The following ANK3 variants were observed in gnomAD, a reference collection of about 807,000 sequenced individuals.
ANK3 encodes the protein ankyrin 3.
ANK3 carries 57 observed loss-of-function variants against 370.9 expected under a neutral mutation model. That is an observed-to-expected ratio of 0.15 (90% CI 0.12 to 0.19). The LOEUF is 0.19. Among genes scored for constraint, ANK3 ranks in the 10% least tolerant of loss-of-function variants. The pLI, the probability that ANK3 is intolerant of heterozygous loss-of-function variation, is 1.00. For synonymous variants in ANK3, 1,929 were observed against 1,946.3 expected (o/e 0.99, Z 0.23); for missense variants, 4,439 against 5,302.1 (o/e 0.84, Z 5.06).
In ANK3 at chr10:60,340,703, T is replaced by C. The variant is rs181103437; in HGVS notation, c.114+48722A>G. On this transcript the variant is annotated intron_variant, in intron 1 of 43. Transcript: ENST00000280772. ...TTGGAATTACATGCATGAGCCACTG[T>C]GCCTGGCCAGAGATACTATTATTAC... Among the ~76,000 whole-genome samples the C allele has an allele frequency of 2.6e-5, 4 of 152,254 alleles. No individual in the cohort carries two copies. The East Asian group carries it at 7.7e-4, about 29-fold the overall frequency.
chr10:60,320,925 A>G (rs1025413764), intron 1 of ANK3, among the ~76,000 whole-genome samples: 2 of 152,164 alleles, frequency 1.3e-5, no homozygotes, highest in Non-Finnish European at 2.9e-5. Context: ...AAATCCTCCC[A>G]GCAAGCTCTG....
chr10:60,352,055 A>G (rs2056966916), intron 1 of ANK3, among the ~76,000 whole-genome samples: 1 of 152,214 alleles, frequency 6.6e-6, no homozygotes, highest in Non-Finnish European at 1.5e-5. Flanking sequence ...CCAGCTCTTC[A>G]GGAGGCTGAC....
chr10:60,085,056 TCACAACAATTTTTTTTAGTATTGAA>T lies in ANK3; in HGVS notation c.3845+76_3845+100del. ...AAGCAAATACTACGGATTTTTTTTC[TCACAACAATTTTTTTTAGTATTGAA>T]CACAACAATTTTTACTTTCCAAAAG... is the stretch of plus-strand genomic sequence containing the variant. On this transcript the variant is annotated intron_variant, in intron 31 of 43. Transcript: ENST00000280772. The T allele has an allele frequency of 4.0e-6, 4 of 996,376 alleles. No individual in the cohort carries two copies. The African/African-American group carries it at 5.0e-5, about 12-fold the overall frequency. The allele number at this position is 996,376 out of a possible 1,614,324, so 61.7% of individuals were successfully genotyped here.
At chr10:60,342,086 A>G (rs2054409234) in intron 1 of ANK3, among the ~76,000 whole-genome samples, 1 of 151,840 alleles carries the variant, frequency 6.6e-6, no homozygotes, top group South Asian at 2.1e-4. Flanking sequence ...TTAAGCATCT[A>G]CTCTGTGTTC....
At chr10:60,567,202 C>A (rs2077484422) in intron 2 of ANK3, among the ~76,000 whole-genome samples, 1 of 152,182 alleles carries the variant, frequency 6.6e-6, no homozygotes, top group African/African-American at 2.4e-5. Flanking sequence ...CTACCTAGGA[C>A]TGTCACAACT....
chr10:60,539,899 T>C (rs553121814), intron 2 of ANK3, among the ~76,000 whole-genome samples: 1 of 152,018 alleles, frequency 6.6e-6, no homozygotes, highest in African/African-American at 2.4e-5. Flanking sequence ...AAGCTAATAT[T>C]CTAGTGGGAG....
intron 2 of ANK3, among the ~76,000 whole-genome samples, chr10:60,472,852 A>T (rs1412123418): frequency 2.0e-5 from 3 of 152,166 alleles, no homozygotes; most frequent in Non-Finnish European, 4.4e-5. Flanking sequence ...TTTTAAACTT[A>T]TACAACATTT....
intron 23 of ANK3, among the ~76,000 whole-genome samples, chr10:60,147,545 T>C (rs1288923929): frequency 1.3e-5 from 2 of 152,200 alleles, no homozygotes; most frequent in African/African-American, 4.8e-5. Context: ...TGAATTGTCA[T>C]CCCCAGTGTT....
At chr10:60,657,107 C>A (rs1282517814) in intron 1 of ANK3, among the ~76,000 whole-genome samples, 2 of 152,156 alleles carry the variant, frequency 1.3e-5, no homozygotes, top group African/African-American at 4.8e-5. Flanking sequence ...CAAGTCACAT[C>A]TTATGTTGAT....
intron 40 of ANK3, chr10:60,059,989 C>T: frequency 6.3e-7 from 1 of 1,592,034 alleles, no homozygotes; most frequent in Non-Finnish European, 8.6e-7. Context: ...TCCAGTTCCA[C>T]TTGAAGGGAA....
intron 8 of ANK3, among the ~76,000 whole-genome samples, chr10:60,232,758 T>G (rs1382697066): frequency 2.0e-5 from 3 of 152,160 alleles, no homozygotes; most frequent in African/African-American, 4.8e-5. Flanking sequence ...AACTAGACCT[T>G]TTGTTTCATA....
At chr10:60,651,116 T>G (rs1247569130) in intron 1 of ANK3, among the ~76,000 whole-genome samples, 3 of 152,162 alleles carry the variant, frequency 2.0e-5, no homozygotes, top group Non-Finnish European at 4.4e-5. Context: ...GATATTGTTT[T>G]ATATATATGT....
At chr10:60,269,228 A>T (rs1279879989) in intron 5 of ANK3, among the ~76,000 whole-genome samples, 1 of 152,250 alleles carries the variant, frequency 6.6e-6, no homozygotes, top group East Asian at 1.9e-4. Flanking sequence ...TTTAAAAAAT[A>T]AACAACATTA....
chr10:60,195,942 G>A (rs2096579646), intron 16 of ANK3, among the ~76,000 whole-genome samples: 1 of 152,154 alleles, frequency 6.6e-6, no homozygotes, highest in Non-Finnish European at 1.5e-5. Context: ...ACAATCAACT[G>A]ACAAGTAAAT....
chr10:60,522,359 T>TTC (rs397744756), intron 2 of ANK3, among the ~76,000 whole-genome samples: 25 of 151,646 alleles, frequency 1.6e-4, no homozygotes, highest in Non-Finnish European at 3.1e-4. Context: ...TTTTTTTTTT[T>TTC]CTGTAGCCAA....
intron 1 of ANK3, among the ~76,000 whole-genome samples, chr10:60,314,331 C>T (rs1430275093): frequency 6.6e-6 from 1 of 152,120 alleles, no homozygotes; most frequent in African/African-American, 2.4e-5. Flanking sequence ...TGTAAAAAGT[C>T]ATTGTTATTC....
Position 60,203,025 on chromosome 10 carries a change from C to T in ANK3, c.1369G>A (p.Ala457Thr). Residue 457 changes from alanine (A) to threonine (T), a missense_variant, in exon 12 of 44, where the codon GCC becomes ACC. By Grantham distance (58) the Ala-to-Thr change is moderately conservative. This residue lies in a region of ANK3 where 227 missense variants were observed against 377.6 expected (regional missense o/e 0.60). Coordinates refer to ENST00000280772, the MANE Select transcript of ANK3 (RefSeq NM_020987.5). ...NIVSQLMHHG[A>T]SPNTTNVRGE... ...ACCACATTGGTGGTGTTTGGTGAGG[C>T]TCCATGATGCATTAGTTGTGATACA... The T allele has an allele frequency of 1.2e-6, 2 of 1,612,756 alleles. No homozygotes were observed. The highest frequency in any genetic ancestry group is 1.1e-5 in the South Asian group (1 of 90,894).
chr10:60,565,976 G>A (rs998975170), intron 2 of ANK3, among the ~76,000 whole-genome samples: 4 of 152,224 alleles, frequency 2.6e-5, no homozygotes, highest in Non-Finnish European at 5.9e-5. Context: ...ATCCTGCAAT[G>A]AGCAAGTCTA....
chr10:60,604,889 A>G (rs1450749612), intron 2 of ANK3, among the ~76,000 whole-genome samples: 1 of 152,156 alleles, frequency 6.6e-6, no homozygotes, highest in Non-Finnish European at 1.5e-5. Flanking sequence ...CAAGTTCAAG[A>G]GCCAGAAGGT....
Sources: gnomAD v4.1 joint callset for allele counts (sites outside exome capture counted in the v4.1 genomes callset) on GRCh38, gnomAD v4.1.1 for gene constraint, gnomAD v4.1.1 regional missense constraint, MANE v1.5 for transcripts, NCBI Gene and HGNC (gene_info 2026-07-23, HGNC 2026-07-21) for gene names.